EYS: variants seen among roughly 807,000 people sequenced by gnomAD.
The protein encoded by EYS is protein eyes shut homolog.
Under a neutral mutation model 282.1 loss-of-function variants are expected in EYS, and 250 were observed. The observed-to-expected ratio is 0.89, with a 90% confidence interval of 0.80 to 0.98. EYS has a LOEUF of 0.98. Ranked by LOEUF, EYS falls within the 50% of genes least tolerant of loss-of-function variation. The pLI, the probability that EYS is intolerant of heterozygous loss-of-function variation, is 0.00. For missense variants in EYS, 4,016 were observed against 3,709.0 expected, an observed-to-expected ratio of 1.08 and a Z score of -2.15; for synonymous variants, 1,355 against 1,282.9, an observed-to-expected ratio of 1.06 and a Z score of -1.20.
chr6:64,481,824 C>G (rs181831921), intron 26 of EYS, among the ~76,000 whole-genome samples: 2 of 151,618 alleles, frequency 1.3e-5, no homozygotes, highest in Admixed American at 6.6e-5. Context: ...TTTAAAATAC[C>G]TACTTTGTGC....
At chr6:63,824,838 A>G (rs888089346) in intron 36 of EYS, among the ~76,000 whole-genome samples, 3 of 152,112 alleles carry the variant, frequency 2.0e-5, no homozygotes, top group Non-Finnish European at 2.9e-5. Flanking sequence ...CGGGGGCAAA[A>G]CTCCAAAGGG....
chr6:65,443,412 AGC>A (rs1179323966), intron 5 of EYS, among the ~76,000 whole-genome samples: 2 of 148,892 alleles, frequency 1.3e-5, no homozygotes, highest in African/African-American at 4.9e-5. Flanking sequence ...GTACACATAT[AGC>A]CATATATGTA....
chr6:63,943,174 A>G (rs1582006598), intron 35 of EYS, among the ~76,000 whole-genome samples: 1 of 152,232 alleles, frequency 6.6e-6, no homozygotes, highest in Non-Finnish European at 1.5e-5. Flanking sequence ...TGTCAACTGT[A>G]GAACCAAAAG....
intron 24 of EYS, among the ~76,000 whole-genome samples, chr6:64,600,303 C>A (rs1323538521): frequency 6.6e-6 from 1 of 151,408 alleles, no homozygotes; most frequent in Non-Finnish European, 1.5e-5. Flanking sequence ...ATTCTGTGTT[C>A]TATAAAAGAT....
chr6:65,409,478 G>T (rs1766888909), intron 5 of EYS, among the ~76,000 whole-genome samples: 1 of 152,130 alleles, frequency 6.6e-6, no homozygotes, highest in African/African-American at 2.4e-5. Context: ...TGAACTTCTA[G>T]ATTTTGAAAA....
At chr6:64,025,394 G>A (rs1033944917) in intron 33 of EYS, among the ~76,000 whole-genome samples, 4 of 152,124 alleles carry the variant, frequency 2.6e-5, no homozygotes, top group East Asian at 1.9e-4. Context: ...TGTCGCCCAA[G>A]CAAGACTCAC....
chr6:64,930,926 T>A (rs1768699710), intron 15 of EYS, among the ~76,000 whole-genome samples: 1 of 152,176 alleles, frequency 6.6e-6, no homozygotes, highest in Non-Finnish European at 1.5e-5. Context: ...CTGTTGACTC[T>A]GCTTTGGGGG....
intron 24 of EYS, among the ~76,000 whole-genome samples, chr6:64,604,327 G>A (rs1766859342): frequency 6.6e-6 from 1 of 151,988 alleles, no homozygotes; most frequent in Admixed American, 6.6e-5. Flanking sequence ...TTTCAAGTAT[G>A]TCAGTCAATT....
chr6:63,908,315 A>G, intron 35 of EYS, among the ~76,000 whole-genome samples: 2 of 152,168 alleles, frequency 1.3e-5, no homozygotes, highest in Non-Finnish European at 2.9e-5. Context: ...AAATTTAAAA[A>G]TGCTGATGAG....
intron 22 of EYS, among the ~76,000 whole-genome samples, chr6:64,705,130 T>C (rs1770959764): frequency 6.6e-6 from 1 of 152,124 alleles, no homozygotes; most frequent in East Asian, 1.9e-4. Context: ...TTCAACAAAG[T>C]TTCAGGATAA....
intron 28 of EYS, among the ~76,000 whole-genome samples, chr6:64,419,006 G>A (rs1424229883): frequency 1.3e-5 from 2 of 152,032 alleles, no homozygotes; most frequent in Non-Finnish European, 2.9e-5. Context: ...CAGCTGAACT[G>A]GAAAAATGCA....
intron 5 of EYS, among the ~76,000 whole-genome samples, chr6:65,447,101 A>G (rs893363075): frequency 6.6e-6 from 1 of 151,352 alleles, no homozygotes; most frequent in Non-Finnish European, 1.5e-5. Context: ...TAAAATTCAG[A>G]AAGATTCAGT....
intron 31 of EYS, among the ~76,000 whole-genome samples, chr6:64,181,034 G>C (rs1764774131): frequency 6.6e-6 from 1 of 152,070 alleles, no homozygotes; most frequent in Admixed American, 6.6e-5. Flanking sequence ...GCTACTACTT[G>C]AAAGTGAGAA....
intron 2 of EYS, among the ~76,000 whole-genome samples, chr6:65,506,497 T>TTTTTTTTTTTTC (rs1766664832): frequency 9.8e-6 from 1 of 101,820 alleles, no homozygotes; most frequent in Non-Finnish European, 1.9e-5. Context: ...TTTTTTTTTT[T>TTTTTTTTTTTTC]TTTGGCAGAG....
intron 22 of EYS, among the ~76,000 whole-genome samples, chr6:64,740,063 G>T (rs528704624): frequency 3.9e-5 from 6 of 152,182 alleles, no homozygotes; most frequent in African/African-American, 1.4e-4. Context: ...TAACTAAATG[G>T]TAATTGCTAA....
At chr6:64,585,516 A>G (rs930491110) in intron 26 of EYS, among the ~76,000 whole-genome samples, 39 of 152,154 alleles carry the variant, frequency 2.6e-4, no homozygotes, top group African/African-American at 9.4e-4. Flanking sequence ...TTGCAATTCT[A>G]TGTGGTTATT....
intron 35 of EYS, among the ~76,000 whole-genome samples, chr6:63,957,686 G>A (rs933539241): frequency 7.1e-6 from 1 of 140,246 alleles, no homozygotes; most frequent in Non-Finnish European, 1.6e-5. Context: ...ATCCTGTTTG[G>A]ATACCATGTA....
chr6:65,404,062 A>G (rs1766621253), intron 6 of EYS, among the ~76,000 whole-genome samples: 1 of 152,110 alleles, frequency 6.6e-6, no homozygotes, highest in African/African-American at 2.4e-5. Flanking sequence ...GGCTAAAACC[A>G]AGATGTCTGC....
chr6:64,414,526 T>C (rs1774005534), intron 28 of EYS, among the ~76,000 whole-genome samples: 1 of 151,946 alleles, frequency 6.6e-6, no homozygotes, highest in Admixed American at 6.6e-5. Flanking sequence ...TGGCCAAACA[T>C]AGAAGAATAG....
Sources: gnomAD v4.1 joint callset for allele counts (sites outside exome capture counted in the v4.1 genomes callset) on GRCh38, gnomAD v4.1.1 for gene constraint, MANE v1.5 for transcripts, NCBI Gene and HGNC (gene_info 2026-07-23, HGNC 2026-07-21) for gene names.